The following CNTNAP2 variants were observed in gnomAD, a reference collection of about 807,000 sequenced individuals.
The protein encoded by CNTNAP2 is contactin associated protein 2.
A neutral mutation model predicts 155.2 loss-of-function variants in CNTNAP2; 98 were observed. That is an observed-to-expected ratio of 0.63 (90% CI 0.54 to 0.75). The LOEUF is 0.75. CNTNAP2 is among the 30% of genes least tolerant of loss of function. The probability of loss-of-function intolerance (pLI) is 0.00; values close to 1 mark genes in which losing one functional copy is unlikely to be tolerated. For synonymous variants in CNTNAP2, 651 were observed against 631.2 expected, an observed-to-expected ratio of 1.03 and a Z score of -0.47; for missense variants, 1,727 against 1,688.1, an observed-to-expected ratio of 1.02 and a Z score of -0.40.
At chr7:147,928,427 A>G (rs949128634) in intron 14 of CNTNAP2, among the ~76,000 whole-genome samples, 2 of 152,232 alleles carry the variant, frequency 1.3e-5, no homozygotes, top group Non-Finnish European at 2.9e-5. Context: ...TGTAAAATGC[A>G]TGTAACATAA....
intron 1 of CNTNAP2, among the ~76,000 whole-genome samples, chr7:146,425,940 C>A (rs1796080416): frequency 6.6e-6 from 1 of 151,922 alleles, no homozygotes; most frequent in South Asian, 2.1e-4. Context: ...AATCCCAGCA[C>A]TTTGGGAGGC....
chr7:147,061,575 C>T (rs73467066), intron 4 of CNTNAP2, among the ~76,000 whole-genome samples: 8,329 of 151,954 alleles, frequency 0.055, 99 homozygotes, highest in African/African-American at 0.16. Context: ...TGTGTGTATA[C>T]ACTCATGTGT....
At position 146,245,136 on chromosome 7, in the gene CNTNAP2, A is replaced by G. The variant is rs1799624492; in HGVS notation, c.97+128163A>G. Among the ~76,000 whole-genome samples, 8 of 152,288 alleles carry G rather than the reference A, an allele frequency of 5.3e-5. No homozygotes were observed. In the South Asian group the frequency reaches 1.5e-3, roughly 28 times the overall value. ...ATTAGGCCTGGTGGAACTGCCATCA[A>G]TAAATCAAGCGTGATCAGGGTGAGG... On this transcript the variant is annotated intron_variant, in intron 1 of 23. Transcript: ENST00000361727.
chr7:146,661,732 C>CTTTTTT (rs34652048), intron 1 of CNTNAP2, among the ~76,000 whole-genome samples: 1 of 145,068 alleles, frequency 6.9e-6, no homozygotes, highest in Non-Finnish European at 1.5e-5. Flanking sequence ...TTCTTTCTTT[C>CTTTTTT]TTTTTTTTTT....
chr7:146,888,012 T>C (rs981777934), intron 3 of CNTNAP2, among the ~76,000 whole-genome samples: 5 of 152,132 alleles, frequency 3.3e-5, no homozygotes, highest in African/African-American at 1.2e-4. Context: ...ACCAAGTATT[T>C]AAGTCCAAAA....
chr7:146,931,849 C>A (rs1333359705), intron 3 of CNTNAP2, among the ~76,000 whole-genome samples: 28 of 152,090 alleles, frequency 1.8e-4, no homozygotes, highest in Non-Finnish European at 3.5e-4. Context: ...GAAATGGATA[C>A]ATTCCTTGAC....
At chr7:147,223,201 A>G (rs997834462) in intron 8 of CNTNAP2, among the ~76,000 whole-genome samples, 2 of 152,200 alleles carry the variant, frequency 1.3e-5, no homozygotes, top group East Asian at 1.9e-4. Flanking sequence ...TCAAGTTTCT[A>G]TACCCAACCT....
chr7:146,781,085 G>A (rs866566990), intron 2 of CNTNAP2, among the ~76,000 whole-genome samples: 2 of 151,940 alleles, frequency 1.3e-5, no homozygotes, highest in African/African-American at 2.4e-5. Context: ...AGAATTAGCC[G>A]GGCGTGGTGG....
At chr7:148,360,243 T>G (rs1798593067) in intron 21 of CNTNAP2, among the ~76,000 whole-genome samples, 1 of 152,100 alleles carries the variant, frequency 6.6e-6, no homozygotes, top group Non-Finnish European at 1.5e-5. Flanking sequence ...CAACTAAAAT[T>G]AAACCTTCGG....
chr7:148,342,225 TC>T (rs1279141753), intron 21 of CNTNAP2, among the ~76,000 whole-genome samples: 1 of 152,162 alleles, frequency 6.6e-6, no homozygotes, highest in East Asian at 1.9e-4. Context: ...GAAATTTTTG[TC>T]CTCAATAAAG....
chr7:146,833,151 T>C (rs1362805216), intron 2 of CNTNAP2, among the ~76,000 whole-genome samples: 3 of 152,216 alleles, frequency 2.0e-5, no homozygotes, highest in Non-Finnish European at 2.9e-5. Flanking sequence ...TTGTAACTGA[T>C]AATTACTGCT....
intron 21 of CNTNAP2, among the ~76,000 whole-genome samples, chr7:148,366,414 C>T (rs1406448744): frequency 1.3e-5 from 2 of 151,858 alleles, no homozygotes; most frequent in Non-Finnish European, 2.9e-5. Context: ...CTATTGAATC[C>T]TCACCACCTG....
intron 15 of CNTNAP2, among the ~76,000 whole-genome samples, chr7:148,050,401 A>C (rs1802866496): frequency 6.6e-6 from 1 of 152,246 alleles, no homozygotes; most frequent in African/African-American, 2.4e-5. Flanking sequence ...AAGTACAAAA[A>C]TGAAAAAATT....
intron 1 of CNTNAP2, among the ~76,000 whole-genome samples, chr7:146,563,411 ACT>A (rs1314512129): frequency 1.3e-5 from 2 of 152,088 alleles, no homozygotes; most frequent in African/African-American, 4.8e-5. Context: ...TAGAGACTCA[ACT>A]TATGGTATTA....
chr7:146,120,794 T>C (rs554248677), intron 1 of CNTNAP2, among the ~76,000 whole-genome samples: 81 of 152,260 alleles, frequency 5.3e-4, no homozygotes, highest in African/African-American at 1.9e-3. Flanking sequence ...GTATTCAGTG[T>C]AATAACATGC....
chr7:147,124,725 TGTGAACCAGTATGA>T, intron 6 of CNTNAP2, among the ~76,000 whole-genome samples: 1 of 152,282 alleles, frequency 6.6e-6, no homozygotes, highest in East Asian at 1.9e-4. Context: ...AGTCGGTTCT[TGTGAACCAGTATGA>T]GTGGGATTCA....
chr7:146,658,807 G>C (rs542639539), intron 1 of CNTNAP2, among the ~76,000 whole-genome samples: 3 of 152,320 alleles, frequency 2.0e-5, no homozygotes, highest in Middle Eastern at 3.4e-3. Context: ...TAGTTCTTAC[G>C]TCAGGGTACA....
intron 1 of CNTNAP2, among the ~76,000 whole-genome samples, chr7:146,294,834 G>T (rs1377030593): frequency 1.3e-5 from 2 of 152,074 alleles, no homozygotes; most frequent in African/African-American, 4.8e-5. Context: ...TAGTAATTTG[G>T]TTTTTAAGTA....
At chr7:148,110,800 G>A (rs968887185) in intron 15 of CNTNAP2, among the ~76,000 whole-genome samples, 10 of 152,044 alleles carry the variant, frequency 6.6e-5, no homozygotes, top group African/African-American at 2.4e-4. Context: ...GCAGGAAGTG[G>A]GGGTTCACAC....
Sources: gnomAD v4.1 joint callset for allele counts (sites outside exome capture counted in the v4.1 genomes callset) on GRCh38, gnomAD v4.1.1 for gene constraint, MANE v1.5 for transcripts, NCBI Gene and HGNC (gene_info 2026-07-23, HGNC 2026-07-21) for gene names.